ASXL2: variants seen among roughly 807,000 people sequenced by gnomAD.
The protein encoded by ASXL2 is ASXL transcriptional regulator 2.
In ASXL2, 23 loss-of-function variants were observed where a neutral mutation model predicts 122.0. That is an observed-to-expected ratio of 0.19 (90% confidence interval 0.14 to 0.27). The LOEUF is 0.27. Among genes scored for constraint, ASXL2 ranks in the 10% least tolerant of loss-of-function variants. The pLI is 1.00. For missense variants in ASXL2, 1,518 were observed against 1,713.8 expected (o/e 0.89, Z 2.02); for synonymous variants, 650 against 637.0 (o/e 1.02, Z -0.31).
chr2:25,807,963 A>G (rs1461716252), intron 3 of ASXL2, among the ~76,000 whole-genome samples: 1 of 142,096 alleles, frequency 7.0e-6, no homozygotes, highest in Non-Finnish European at 1.5e-5. Context: ...GTAAATCCTA[A>G]TTGGTTTAAA....
In ASXL2 at chr2:25,744,566, A is replaced by G; in HGVS notation, c.1861-90T>C. 1 of 1,377,958 alleles carries G rather than the reference A, an allele frequency of 7.3e-7. No individual in the cohort carries two copies. The highest frequency in any genetic ancestry group is 9.7e-7 in the Non-Finnish European group (1 of 1,028,774). The allele number at this position is 1,377,958 out of a possible 1,614,324, so 85.4% of individuals were successfully genotyped here. On this transcript the variant is annotated intron_variant, in intron 12 of 12. Coordinates refer to ENST00000435504, the MANE Select transcript of ASXL2 (RefSeq NM_018263.6). This position sits in a 1 kb window ranked among gnomAD's most constrained non-coding sequence, Gnocchi z 4.7. ...TCATTAGCCCTCACATTTTAAAAAC[A>G]GATGAACACTACAGTACCTGTGACA... is the stretch of plus-strand genomic sequence containing the variant.
chr2:25,811,504 A>G (rs1199742353), intron 3 of ASXL2, among the ~76,000 whole-genome samples: 1 of 152,082 alleles, frequency 6.6e-6, no homozygotes, highest in Non-Finnish European at 1.5e-5. Context: ...TCTTTAGGAA[A>G]ACAAATAGCT....
intron 1 of ASXL2, among the ~76,000 whole-genome samples, chr2:25,869,153 G>C (rs1216525763): frequency 6.9e-6 from 1 of 145,118 alleles, no homozygotes; most frequent in Non-Finnish European, 1.5e-5. Flanking sequence ...GGACAAGAAC[G>C]AGACCTCATC....
At chr2:25,799,798 T>A (rs567615223) in intron 4 of ASXL2, among the ~76,000 whole-genome samples, 1 of 152,142 alleles carries the variant, frequency 6.6e-6, no homozygotes, top group South Asian at 2.1e-4. Flanking sequence ...AAAAATTGGG[T>A]AGATATGAGT....
Position 25,756,108 on chromosome 2 carries a change from G to C in ASXL2, c.946C>G (p.Pro316Ala), listed in dbSNP as rs1232897018. The C allele has an allele frequency of 1.3e-5, 21 of 1,597,098 alleles. No homozygotes were observed. The highest frequency in any genetic ancestry group is 3.5e-5 in the Admixed American group (2 of 56,820). ...LLPEVDRQVG[P>A]DGLMKLNGSA... ...CCATTTAACTTCATTAAACCATCTGGACCAACCTGGGTCAAAGAATAAGCC... is the reference window on the plus strand; with the variant it reads ...CCATTTAACTTCATTAAACCATCTGCACCAACCTGGGTCAAAGAATAAGCC... Residue 316 changes from proline (P) to alanine (A), a missense_variant, in exon 10 of 13, where the codon CCA becomes GCA. Pro to Ala is a conservative substitution (Grantham distance 27, BLOSUM62 -1). Coordinates refer to ENST00000435504, the MANE Select transcript of ASXL2 (RefSeq NM_018263.6).
At chr2:25,862,442 T>C (rs979766726) in intron 1 of ASXL2, among the ~76,000 whole-genome samples, 1 of 152,182 alleles carries the variant, frequency 6.6e-6, no homozygotes, top group African/African-American at 2.4e-5. Context: ...CCATCTTTAA[T>C]ACATTAGACG....
intron 10 of ASXL2, among the ~76,000 whole-genome samples, chr2:25,754,497 T>A (rs2088100034): frequency 6.6e-6 from 1 of 152,090 alleles, no homozygotes. Context: ...GGCAAAGGAT[T>A]GGGAAAAGAG....
At chr2:25,785,269 T>C (rs1387492072) in intron 5 of ASXL2, among the ~76,000 whole-genome samples, 1 of 152,184 alleles carries the variant, frequency 6.6e-6, no homozygotes, top group Non-Finnish European at 1.5e-5. Context: ...TCTGTCTCCC[T>C]GGCTGGAGGA....
intron 5 of ASXL2, among the ~76,000 whole-genome samples, chr2:25,783,831 G>A (rs1197582985): frequency 6.6e-6 from 1 of 151,552 alleles, no homozygotes; most frequent in African/African-American, 2.4e-5. Context: ...TGAGGTGGGA[G>A]GATCACGAGG....
At chr2:25,805,968 C>T (rs1226001102) in intron 4 of ASXL2, among the ~76,000 whole-genome samples, 1 of 152,146 alleles carries the variant, frequency 6.6e-6, no homozygotes, top group Non-Finnish European at 1.5e-5. Context: ...TGAGCCACCA[C>T]GCCTGGCCAT....
chr2:25,817,603 G>A (rs72801836), intron 3 of ASXL2, among the ~76,000 whole-genome samples: 6,473 of 152,008 alleles, frequency 0.043, 211 homozygotes, highest in African/African-American at 0.081. Context: ...TAAATAGTCC[G>A]GAAATATACA....
rs955113689 is a variant in ASXL2 at position 25,742,517 on chromosome 2, C to A, written c.3820G>T (p.Ala1274Ser). ...ATTGCCTTACCTCTCACTGCATGAG[C>A]CATCTGCTTCTGTGCTGCCTGAATT... is the stretch of plus-strand genomic sequence containing the variant. ...DLIQAAQKQM[A>S]HAVRGKAIRS... Residue 1274 changes from alanine (A) to serine (S), a missense_variant, in exon 13 of 13, where the codon GCT (alanine) becomes TCT (serine). Coordinates refer to ENST00000435504, the MANE Select transcript of ASXL2 (RefSeq NM_018263.6). 2 of 1,613,942 alleles carry A rather than the reference C, an allele frequency of 1.2e-6. No individual in the cohort carries two copies. The highest frequency in any genetic ancestry group is 1.7e-6 in the Non-Finnish European group (2 of 1,179,882).
intron 4 of ASXL2, among the ~76,000 whole-genome samples, chr2:25,803,217 G>A (rs1364547416): frequency 6.6e-6 from 1 of 152,194 alleles, no homozygotes; most frequent in Non-Finnish European, 1.5e-5. Context: ...AGCCTGGAGA[G>A]GGCACACAAG....
At chr2:25,863,281 G>A (rs942022863) in intron 1 of ASXL2, among the ~76,000 whole-genome samples, 1 of 150,580 alleles carries the variant, frequency 6.6e-6, no homozygotes, top group Non-Finnish European at 1.5e-5. Flanking sequence ...AGTGAGCCAA[G>A]ATCGCGCCAC....
Position 25,742,416 on chromosome 2 carries a change from G to C in ASXL2, c.3921C>G (p.Leu1307=). Residue 1307 remains leucine (L), a synonymous_variant, in exon 13 of 13, where the codon CTC becomes CTG. Transcript: ENST00000435504. The part of the protein sequence containing the change: ...PADSPTHQPL[L]LPPLQTPKLY... ...ACTTCGGGGTTTGCAGGGGTGGAAG[G>C]AGTAGGGGCTGGTGGGTGGGGCTGT... is the stretch of plus-strand genomic sequence containing the variant. The C allele has an allele frequency of 7.7e-7, 1 of 1,299,698 alleles. No homozygotes were observed. The highest frequency in any genetic ancestry group is 1.1e-6 in the Non-Finnish European group (1 of 937,412). The allele number at this position is 1,299,698 out of a possible 1,614,324, so 80.5% of individuals were successfully genotyped here. A position where few individuals can be genotyped will look rare whatever the true frequency, so the allele number is the denominator to read the frequency against.
At chr2:25,781,072 A>G (rs1052744040) in intron 5 of ASXL2, among the ~76,000 whole-genome samples, 11 of 151,970 alleles carry the variant, frequency 7.2e-5, no homozygotes, top group Non-Finnish European at 1.3e-4. Flanking sequence ...AAAAAAAAAA[A>G]AAAAGAAAAG....
At chr2:25,808,671 C>CT (rs898236510) in intron 3 of ASXL2, among the ~76,000 whole-genome samples, 1 of 152,126 alleles carries the variant, frequency 6.6e-6, no homozygotes. Flanking sequence ...TGTATCAAGC[C>CT]TTTTTTGTTT....
chr2:25,785,246 G>C (rs2088718798), intron 5 of ASXL2, among the ~76,000 whole-genome samples: 1 of 152,138 alleles, frequency 6.6e-6, no homozygotes, highest in African/African-American at 2.4e-5. Flanking sequence ...TATTTTTTGA[G>C]ACAGAGTCTC....
chr2:25,787,221 AG>A (rs2088762555), intron 5 of ASXL2, among the ~76,000 whole-genome samples: 1 of 152,220 alleles, frequency 6.6e-6, no homozygotes, highest in Non-Finnish European at 1.5e-5. Context: ...GCCATCTTTC[AG>A]GGTTATGTTT....
Sources: allele counts gnomAD v4.1 joint callset (sites outside exome capture counted in the v4.1 genomes callset), GRCh38; gene constraint gnomAD v4.1.1; non-coding constraint Gnocchi (gnomAD v3.1); transcripts MANE v1.5; gene names NCBI Gene and HGNC (gene_info 2026-07-23, HGNC 2026-07-21).